The following GM2A variants were observed in gnomAD, a reference collection of about 807,000 sequenced individuals.
GM2A encodes the protein ganglioside GM2 activator.
Under a neutral mutation model 12.9 loss-of-function variants are expected in GM2A, and 7 were observed. The observed-to-expected ratio is 0.54, with a 90% confidence interval of 0.31 to 1.02. GM2A has a LOEUF of 1.02. Ranked by LOEUF, GM2A falls within the 50% of genes least tolerant of loss-of-function variation. GM2A has a pLI of 0.05. For missense variants in GM2A, 246 were observed against 241.0 expected (o/e 1.02, Z -0.14); for synonymous variants, 101 against 96.0 (o/e 1.05, Z -0.30).
chr5:151,261,312 A>G (rs1753794426), intron 2 of GM2A, among the ~76,000 whole-genome samples: 1 of 152,228 alleles, frequency 6.6e-6, no homozygotes, highest in South Asian at 2.1e-4. Flanking sequence ...GGCGTGAGCC[A>G]CCTTGCTCAG....
Position 151,269,357 on chromosome 5 carries a change from C to G in GM2A, c.*1906C>G, listed in dbSNP as rs961861909. ...GTTTGTTGGAACGGTACAGGTGAGC[C>G]GAGGTGATTCCAGGGACGGACCCTT... is the stretch of plus-strand genomic sequence containing the variant. On this transcript the variant is annotated 3_prime_UTR_variant, in exon 4 of 4. Transcript: ENST00000357164. 1 of 985,282 alleles carries G rather than the reference C, an allele frequency of 1.0e-6. No homozygotes were observed. Among genetic ancestry groups the G allele is most frequent in the Non-Finnish European group, 1.2e-6 (1 of 829,962 alleles). The allele number at this position is 985,282 out of a possible 1,614,324, so 61.0% of individuals were successfully genotyped here. A position where few individuals can be genotyped will look rare whatever the true frequency, so the allele number is the denominator to read the frequency against.
intron 2 of GM2A, among the ~76,000 whole-genome samples, chr5:151,263,383 G>GTATA (rs751276355): frequency 6.7e-6 from 1 of 149,798 alleles, no homozygotes; most frequent in Admixed American, 6.7e-5. Flanking sequence ...AATATTTCTC[G>GTATA]TATATATATA....
intron 1 of GM2A, among the ~76,000 whole-genome samples, chr5:151,259,037 G>GGGATGT (rs1468817870): frequency 6.6e-6 from 1 of 152,120 alleles, no homozygotes; most frequent in Non-Finnish European, 1.5e-5. Context: ...GGAGACCTGG[G>GGGATGT]GGATGTGGAG....
rs1753954120 is a variant in GM2A at position 151,268,950 on chromosome 5, T to G, written c.*1499T>G. 1 of 985,366 alleles carries G rather than the reference T, an allele frequency of 1.0e-6. No individual in the cohort carries two copies. The highest frequency in any genetic ancestry group is 4.7e-5 in the South Asian group (1 of 21,296). 61.0% of individuals were successfully genotyped at this position (985,366 alleles called of 1,614,324 possible). Reference sequence around the variant, plus strand: ...GTGTCCGGTCCCAAGGACAAGGCTCTTCCAGTGCTAGGAGAGGTATGAGCA... The same window carrying G: ...GTGTCCGGTCCCAAGGACAAGGCTCGTCCAGTGCTAGGAGAGGTATGAGCA... On this transcript the variant is annotated 3_prime_UTR_variant, in exon 4 of 4. Transcript: ENST00000357164.
intron 2 of GM2A, among the ~76,000 whole-genome samples, chr5:151,260,463 C>T (rs1753775103): frequency 6.6e-6 from 1 of 151,988 alleles, no homozygotes; most frequent in Admixed American, 6.6e-5. Context: ...ACTAAAAGTA[C>T]AAAAATTAGC....
At chr5:151,264,208 C>T (rs966799393) in intron 2 of GM2A, among the ~76,000 whole-genome samples, 17 of 152,252 alleles carry the variant, frequency 1.1e-4, no homozygotes, top group African/African-American at 4.1e-4. Flanking sequence ...CTCATTACTC[C>T]ACCCTGCTTC....
intron 1 of GM2A, among the ~76,000 whole-genome samples, chr5:151,257,145 C>T (rs896370965): frequency 6.6e-6 from 1 of 152,130 alleles, no homozygotes; most frequent in Non-Finnish European, 1.5e-5. Flanking sequence ...CTTTCCCCTC[C>T]GTCTTGTACC....
chr5:151,256,591 G>T (rs1169231279), intron 1 of GM2A, among the ~76,000 whole-genome samples: 1 of 141,128 alleles, frequency 7.1e-6, no homozygotes, highest in Non-Finnish European at 1.5e-5. Context: ...GGATGACAGA[G>T]TGAGACTCTG....
intron 2 of GM2A, among the ~76,000 whole-genome samples, chr5:151,262,030 G>T (rs947020810): frequency 1.3e-5 from 2 of 152,152 alleles, no homozygotes. Flanking sequence ...CCCAATGTTT[G>T]AATAAACCTG....
intron 1 of GM2A, among the ~76,000 whole-genome samples, chr5:151,257,203 ACCAG>A (rs1415231787): frequency 6.6e-6 from 1 of 152,020 alleles, no homozygotes; most frequent in Non-Finnish European, 1.5e-5. Context: ...ATATCTGGTG[ACCAG>A]CCTGGCCTTG....
chr5:151,270,115 G>A lies in GM2A; in HGVS notation c.*2664G>A, dbSNP rs1178508546. 8.1e-7 allele frequency: 1 copy of A among 1,231,380 alleles called. No homozygotes were observed. Among genetic ancestry groups the A allele is most frequent in the East Asian group, 3.2e-5 (1 of 31,700 alleles). 76.3% of individuals were successfully genotyped at this position (1,231,380 alleles called of 1,614,324 possible). ...TTCCGTGAGGTTTCTTAGGGGTGGGGGATGAGGAGTTAAAGGTGGCATCTT... is the reference window on the plus strand; with the variant it reads ...TTCCGTGAGGTTTCTTAGGGGTGGGAGATGAGGAGTTAAAGGTGGCATCTT... On this transcript the variant is annotated 3_prime_UTR_variant, in exon 4 of 4. Transcript: ENST00000357164.
intron 2 of GM2A, among the ~76,000 whole-genome samples, chr5:151,263,089 CTTTTTTTT>C (rs869289721): frequency 2.5e-5 from 3 of 119,558 alleles, no homozygotes; most frequent in South Asian, 2.7e-4. Context: ...TCCCCAATTT[CTTTTTTTT>C]TTTTTTTTTT....
At position 151,268,418 on chromosome 5, in the gene GM2A, G is replaced by A. The variant is rs748159813; in HGVS notation, c.*967G>A. The A allele has an allele frequency of 7.0e-5, 67 of 964,016 alleles. No individual in the cohort carries two copies. Among genetic ancestry groups the A allele is most frequent in the South Asian group, 9.6e-5 (2 of 20,848 alleles). The allele number at this position is 964,016 out of a possible 1,614,324, so 59.7% of individuals were successfully genotyped here. A position where few individuals can be genotyped will look rare whatever the true frequency, so the allele number is the denominator to read the frequency against. ...TCTGTCCACCTTGGCCTTGCAAAGC[G>A]CTGGATTACAGGCATGAGCCACTAC... On this transcript the variant is annotated 3_prime_UTR_variant, in exon 4 of 4. Coordinates refer to ENST00000357164, the MANE Select transcript of GM2A (RefSeq NM_000405.5).
intron 1 of GM2A, among the ~76,000 whole-genome samples, chr5:151,256,856 G>T (rs367683032): frequency 2.6e-5 from 4 of 152,080 alleles, no homozygotes; most frequent in East Asian, 3.8e-4. Flanking sequence ...ACATATAATT[G>T]TAGTCCCCCC....
In GM2A at chr5:151,268,414, A is replaced by G. The variant is rs1753939113; in HGVS notation, c.*963A>G. The G allele has an allele frequency of 4.2e-6, 4 of 957,778 alleles. No homozygotes were observed. The South Asian group carries it at 1.9e-4, about 46-fold the overall frequency. The allele number at this position is 957,778 out of a possible 1,614,324, so 59.3% of individuals were successfully genotyped here. A position where few individuals can be genotyped will look rare whatever the true frequency, so the allele number is the denominator to read the frequency against. On this transcript the variant is annotated 3_prime_UTR_variant, in exon 4 of 4. Coordinates refer to ENST00000357164, the MANE Select transcript of GM2A (RefSeq NM_000405.5). ...GTGATCTGTCCACCTTGGCCTTGCA[A>G]AGCGCTGGATTACAGGCATGAGCCA...
At chr5:151,264,568 G>T (rs1753850840) in intron 2 of GM2A, among the ~76,000 whole-genome samples, 1 of 152,226 alleles carries the variant, frequency 6.6e-6, no homozygotes, top group Non-Finnish European at 1.5e-5. Context: ...AAGGAAAAAG[G>T]CAGGGCAGAA....
chr5:151,269,457 A>G lies in GM2A; in HGVS notation c.*2006A>G. 1 of 985,250 alleles carries G rather than the reference A, an allele frequency of 1.0e-6. No individual in the cohort carries two copies. Among genetic ancestry groups the G allele is most frequent in the Non-Finnish European group, 1.2e-6 (1 of 829,838 alleles). The allele number at this position is 985,250 out of a possible 1,614,324, so 61.0% of individuals were successfully genotyped here. A position where few individuals can be genotyped will look rare whatever the true frequency, so the allele number is the denominator to read the frequency against. Reference sequence around the variant, plus strand: ...TCCCTTGTTTGCTATTTTGCTTTCCATCACATCATGACTGCGGAGAGCAAA... The same window carrying G: ...TCCCTTGTTTGCTATTTTGCTTTCCGTCACATCATGACTGCGGAGAGCAAA... On this transcript the variant is annotated 3_prime_UTR_variant, in exon 4 of 4. Coordinates refer to ENST00000357164, the MANE Select transcript of GM2A (RefSeq NM_000405.5).
chr5:151,267,729 G>A lies in GM2A; in HGVS notation c.*278G>A. The A allele has an allele frequency of 7.5e-7, 1 of 1,328,780 alleles. No individual in the cohort carries two copies. The highest frequency in any genetic ancestry group is 9.8e-7 in the Non-Finnish European group (1 of 1,024,760). 82.3% of individuals were successfully genotyped at this position (1,328,780 alleles called of 1,614,324 possible). A position where few individuals can be genotyped will look rare whatever the true frequency, so the allele number is the denominator to read the frequency against. The stretch of plus-strand genomic sequence containing the variant: ...TCCCCGTTAACATTCTCTCTAAAGA[G>A]CCTCGTTCATTTCCAAAGCAGTTAA... On this transcript the variant is annotated 3_prime_UTR_variant, in exon 4 of 4. Coordinates refer to ENST00000357164, the MANE Select transcript of GM2A (RefSeq NM_000405.5).
At position 151,269,931 on chromosome 5, in the gene GM2A, G is replaced by T. The variant is rs756257410; in HGVS notation, c.*2480G>T. On this transcript the variant is annotated 3_prime_UTR_variant, in exon 4 of 4. Coordinates refer to ENST00000357164, the MANE Select transcript of GM2A (RefSeq NM_000405.5). ...CACGAGTTGACCACTTCCCAATGCCGGGGATCTGACACCTCACCTGGCAAT... is the reference window on the plus strand; with the variant it reads ...CACGAGTTGACCACTTCCCAATGCCTGGGATCTGACACCTCACCTGGCAAT... The T allele has an allele frequency of 1.7e-6, 2 of 1,180,444 alleles. No individual in the cohort carries two copies. The highest frequency in any genetic ancestry group is 8.8e-5 in the South Asian group (2 of 22,852). The allele number at this position is 1,180,444 out of a possible 1,614,324, so 73.1% of individuals were successfully genotyped here.
Sources: gnomAD v4.1 joint callset for allele counts (sites outside exome capture counted in the v4.1 genomes callset) on GRCh38, gnomAD v4.1.1 for gene constraint, MANE v1.5 for transcripts, NCBI Gene and HGNC (gene_info 2026-07-23, HGNC 2026-07-21) for gene names.